The following TLE4 variants were observed in gnomAD, a reference collection of about 807,000 sequenced individuals.
TLE4 encodes transducin-like enhancer protein 4.
A neutral mutation model predicts 92.8 loss-of-function variants in TLE4; 8 were observed. That is an observed-to-expected ratio of 0.09 (90% confidence interval 0.05 to 0.16). The LOEUF (loss-of-function observed/expected upper bound fraction) is 0.16. Ranked by LOEUF, TLE4 falls within the 10% of genes least tolerant of loss-of-function variation. TLE4 has a pLI of 1.00. For missense variants in TLE4, 675 were observed against 997.6 expected, an observed-to-expected ratio of 0.68 and a Z score of 4.36; for synonymous variants, 371 against 374.1, an observed-to-expected ratio of 0.99 and a Z score of 0.10.
At chr9:79,705,847 T>A in intron 9 of TLE4, 42 bp from the exon 10 acceptor site, 1 of 1,606,432 alleles carries the variant, frequency 6.2e-7, no homozygotes, top group Middle Eastern at 1.7e-4. Flanking sequence ...TGTGGTATGT[T>A]TTGTGAGGGG....
At chr9:79,573,982 C>T (rs2036842941) in intron 2 of TLE4, 196 bp downstream of exon 2, 5 of 376,562 alleles carry the variant, frequency 1.3e-5, no homozygotes, top group Non-Finnish European at 2.4e-5. Flanking sequence ...TTTCTTCTAC[C>T]GTAAATAAAA....
Position 79,671,995 on chromosome 9 carries a change from CTTTTTTT to C in TLE4, c.609+17943_609+17949del, listed in dbSNP as rs773064446. 7.4e-4 allele frequency among the ~76,000 whole-genome samples: 25 copies of C among 33,716 alleles called. No homozygotes were observed. The East Asian group carries it at 0.019, about 26-fold the overall frequency. The allele number at this position is 33,716 out of a possible 152,430, so 22.1% of individuals were successfully genotyped here. A position where few individuals can be genotyped will look rare whatever the true frequency, so the allele number is the denominator to read the frequency against. ...CTTTTTAGGCCATTGAAACAAAACA[CTTTTTTT>C]TTTTTTTTTTTTTTTTTTTTTTGCA... On this transcript the variant is annotated intron_variant, in intron 8 of 19. Transcript: ENST00000376552.
intron 19 of TLE4, among the ~76,000 whole-genome samples, chr9:79,723,343 C>CT (rs1474491094): frequency 3.3e-5 from 5 of 149,670 alleles, no homozygotes; most frequent in African/African-American, 1.2e-4. Flanking sequence ...ACATGTATGT[C>CT]TTTTGTAATT....
intron 6 of TLE4, among the ~76,000 whole-genome samples, chr9:79,633,827 G>A (rs563497812): frequency 2.0e-5 from 3 of 152,218 alleles, no homozygotes; most frequent in African/African-American, 4.8e-5. Context: ...TGTACCCCTC[G>A]AAGCTGAGAG....
chr9:79,624,021 G>A (rs2051797181), intron 5 of TLE4, among the ~76,000 whole-genome samples: 2 of 152,068 alleles, frequency 1.3e-5, no homozygotes, highest in Admixed American at 1.3e-4. Flanking sequence ...GAGGAAATGA[G>A]ATGTGGGTGG....
At chr9:79,614,997 C>T (rs2049188954) in intron 5 of TLE4, among the ~76,000 whole-genome samples, 1 of 152,158 alleles carries the variant, frequency 6.6e-6, no homozygotes, top group Admixed American at 6.5e-5. Flanking sequence ...TTAATTTACT[C>T]ATCTTTTTCT....
chr9:79,719,061 C>T (rs979249760), intron 15 of TLE4, 90 bp downstream of exon 15: 1 of 1,500,334 alleles, frequency 6.7e-7, no homozygotes. Flanking sequence ...CAACACCACA[C>T]AGTATTGATC....
chr9:79,573,122 A>C (rs2036337978), intron 1 of TLE4: 3 of 620,492 alleles, frequency 4.8e-6, no homozygotes, highest in Non-Finnish European at 6.7e-6. Flanking sequence ...CGACTCCTCG[A>C]GGGGGGGTGG....
At chr9:79,597,970 C>T (rs988353898) in intron 4 of TLE4, among the ~76,000 whole-genome samples, 1 of 151,136 alleles carries the variant, frequency 6.6e-6, no homozygotes, top group Admixed American at 6.6e-5. Flanking sequence ...TGGTGGCTCA[C>T]GCCTGTAATC....
At chr9:79,680,940 C>A (rs187473189) in intron 8 of TLE4, among the ~76,000 whole-genome samples, 1 of 152,024 alleles carries the variant, frequency 6.6e-6, no homozygotes, top group Admixed American at 6.6e-5. Flanking sequence ...TATTGATTTG[C>A]GTTTGTTGAA....
rs2036534391 is a variant in TLE4 at position 79,573,437 on chromosome 9, G to A, written c.46-252G>A. The A allele has an allele frequency of 1.4e-5, 16 of 1,172,684 alleles. No homozygotes were observed. In the South Asian group the frequency reaches 1.7e-4, roughly 12 times the overall value. The allele number at this position is 1,172,684 out of a possible 1,614,324, so 72.6% of individuals were successfully genotyped here. A position where few individuals can be genotyped will look rare whatever the true frequency, so the allele number is the denominator to read the frequency against. On this transcript the variant is annotated intron_variant, in intron 1 of 19. Coordinates refer to ENST00000376552, the MANE Select transcript of TLE4 (RefSeq NM_007005.6). ...TGTCTTTGGCCGGGGAGGGGAGACG[G>A]GACTCGAACCCTCGGGGTCCGGGGC...
At chr9:79,612,858 C>A in intron 5 of TLE4, 140 bp downstream of exon 5, 1 of 686,684 alleles carries the variant, frequency 1.5e-6, no homozygotes, top group Non-Finnish European at 2.6e-6. Flanking sequence ...AAACAGTGTT[C>A]TCACTCCAAC....
At chr9:79,697,404 G>T (rs186789676) in intron 8 of TLE4, among the ~76,000 whole-genome samples, 3 of 152,040 alleles carry the variant, frequency 2.0e-5, no homozygotes, top group Non-Finnish European at 4.4e-5. Context: ...TCCATCAGTG[G>T]TGAGGGGTTG....
At chr9:79,653,560 C>G (rs940586822) in intron 7 of TLE4, among the ~76,000 whole-genome samples, 2 of 152,160 alleles carry the variant, frequency 1.3e-5, no homozygotes, top group Non-Finnish European at 2.9e-5. Context: ...TCTCTCCCAG[C>G]ATTCCTTTTT....
At chr9:79,709,467 G>A (rs760231805) in intron 13 of TLE4, among the ~76,000 whole-genome samples, 156 bp from the exon 14 acceptor site, 18 of 151,904 alleles carry the variant, frequency 1.2e-4, no homozygotes, top group Non-Finnish European at 2.1e-4. Context: ...CCTAAACATT[G>A]GTTATCATTT....
intron 6 of TLE4, among the ~76,000 whole-genome samples, chr9:79,641,255 A>G (rs1170940060): frequency 3.9e-5 from 6 of 152,020 alleles, no homozygotes; most frequent in Non-Finnish European, 8.8e-5. Flanking sequence ...TCTGTTCATC[A>G]AAAGATGCTT....
At chr9:79,711,250 T>G (rs2073208794) in intron 14 of TLE4, among the ~76,000 whole-genome samples, 1 of 152,180 alleles carries the variant, frequency 6.6e-6, no homozygotes, top group Non-Finnish European at 1.5e-5. Context: ...AAAAGACAAA[T>G]TAGAGTTCCT....
chr9:79,653,333 G>A (rs1404986085), intron 7 of TLE4, among the ~76,000 whole-genome samples: 2 of 152,156 alleles, frequency 1.3e-5, no homozygotes, highest in African/African-American at 4.8e-5. Context: ...CACCCAGTCT[G>A]TTTAGAAGCA....
At chr9:79,651,379 G>A (rs879670962) in intron 6 of TLE4, among the ~76,000 whole-genome samples, 3 of 152,144 alleles carry the variant, frequency 2.0e-5, no homozygotes, top group Non-Finnish European at 4.4e-5. Flanking sequence ...CGCGGTTCCT[G>A]TAGCAGAGTT....
Sources: allele counts gnomAD v4.1 joint callset (sites outside exome capture counted in the v4.1 genomes callset), GRCh38; gene constraint gnomAD v4.1.1; transcripts MANE v1.5; gene names NCBI Gene and HGNC (gene_info 2026-07-23, HGNC 2026-07-21).